Variants in KMT2C observed in about 807,000 individuals in gnomAD.
The protein encoded by KMT2C is histone-lysine N-methyltransferase 2C.
A neutral mutation model predicts 507.9 loss-of-function variants in KMT2C; 88 were observed. The observed-to-expected ratio is 0.17, with a 90% CI of 0.15 to 0.21. The LOEUF (loss-of-function observed/expected upper bound fraction) is 0.21, where lower values mean the gene tolerates loss of function less well. Among genes scored for constraint, KMT2C ranks in the 10% least tolerant of loss-of-function variants. The pLI is 1.00. For synonymous variants in KMT2C, 2,049 were observed against 2,080.8 expected, an observed-to-expected ratio of 0.98 and a Z score of 0.42; for missense variants, 4,954 against 5,957.8, an observed-to-expected ratio of 0.83 and a Z score of 5.55.
intron 1 of KMT2C, among the ~76,000 whole-genome samples, chr7:152,380,024 G>A (rs553206670): frequency 6.6e-6 from 1 of 152,430 alleles, no homozygotes; most frequent in African/African-American, 2.4e-5. Flanking sequence ...CCTGAGCTCA[G>A]GAATTCGAGA....
intron 6 of KMT2C, among the ~76,000 whole-genome samples, chr7:152,275,933 G>C (rs1200770976): frequency 6.6e-6 from 1 of 152,142 alleles, no homozygotes; most frequent in Non-Finnish European, 1.5e-5. Context: ...ATAATGAGAG[G>C]TAAGTATATA....
At chr7:152,394,069 G>A (rs1053667179) in intron 1 of KMT2C, among the ~76,000 whole-genome samples, 21 of 152,016 alleles carry the variant, frequency 1.4e-4, no homozygotes, top group Non-Finnish European at 2.6e-4. Flanking sequence ...AAATCTTTTC[G>A]GCTCTGCCTC....
rs144376311 is a variant in KMT2C at position 152,163,553 on chromosome 7, C to A, written c.10024G>T (p.Ala3342Ser). The stretch of plus-strand genomic sequence containing the variant: ...CTAGGAGGATTGAGGGGCAGGTGGG[C>A]AGGAGCACTGTTGGGTTGCCATCCA... Reference protein sequence around the residue: ...LPGWQPNSAPAHLPLNPPRIQ... With the variant: ...LPGWQPNSAPSHLPLNPPRIQ... The change falls in exon 43 of 59, where the codon GCC becomes TCC. Residue 3342 changes from alanine (A) to serine (S), a missense_variant. By Grantham distance (99) the Ala-to-Ser change is moderately conservative. Coordinates refer to ENST00000262189, the MANE Select transcript of KMT2C (RefSeq NM_170606.3). 67 of 1,609,114 alleles carry A rather than the reference C, an allele frequency of 4.2e-5. No individual in the cohort carries two copies. The African/African-American group carries it at 8.1e-4, about 20-fold the overall frequency.
At chr7:152,143,080 G>A (rs2090751435) in intron 55 of KMT2C, among the ~76,000 whole-genome samples, 2 of 152,154 alleles carry the variant, frequency 1.3e-5, no homozygotes, top group East Asian at 3.8e-4. Flanking sequence ...CACTCCTCGA[G>A]AACACGAATG....
At chr7:152,372,381 C>G (rs1292974776) in intron 1 of KMT2C, among the ~76,000 whole-genome samples, 1 of 152,120 alleles carries the variant, frequency 6.6e-6, no homozygotes, top group Admixed American at 6.6e-5. Context: ...GTCTCAAACT[C>G]CTGACCTCAG....
intron 39 of KMT2C, 32 bp downstream of exon 39, chr7:152,174,099 G>GC: frequency 1.8e-6 from 2 of 1,100,922 alleles, no homozygotes; most frequent in South Asian, 1.4e-5. Flanking sequence ...ATGTCTAGAT[G>GC]CCCAGTAGAA....
intron 2 of KMT2C, among the ~76,000 whole-genome samples, chr7:152,331,948 CA>C (rs201664398): frequency 1.3e-5 from 2 of 148,808 alleles, no homozygotes; most frequent in African/African-American, 4.9e-5. Context: ...TGTGCCCGGC[CA>C]AAAAAAAATC....
At position 152,162,464 on chromosome 7, in the gene KMT2C, C is replaced by A; in HGVS notation, c.11113G>T (p.Asp3705Tyr). The part of the protein sequence containing the change: ...NQQTYANSEV[D>Y]KLSMETPAKT... ...GCAGGGGTTTCCATGGAGAGCTTGT[C>A]TACTTCTGAATTTGCATACGTCTGT... The change falls in exon 43 of 59, where the codon GAC (aspartate) becomes TAC (tyrosine). Residue 3705 changes from aspartate (D) to tyrosine (Y), a missense_variant. Transcript: ENST00000262189. 6.2e-7 allele frequency: 1 copy of A among 1,614,238 alleles called. No individual in the cohort carries two copies. Among genetic ancestry groups the A allele is most frequent in the Non-Finnish European group, 8.5e-7 (1 of 1,180,046 alleles).
At position 152,232,231 on chromosome 7, in the gene KMT2C, C is replaced by T. The variant is rs191133859; in HGVS notation, c.2770-1910G>A. Among the ~76,000 whole-genome samples the T allele has an allele frequency of 3.5e-3, 533 of 152,268 alleles. 2 individuals carry two copies. Among genetic ancestry groups the T allele is most frequent in the Non-Finnish European group, 6.4e-3 (437 of 68,018 alleles). ...ATGCTTTATAAGAGCAATTTATAGT[C>T]ATATGAACCCTAATGACTACAAGTG... On this transcript the variant is annotated intron_variant, in intron 16 of 58. Coordinates refer to ENST00000262189, the MANE Select transcript of KMT2C (RefSeq NM_170606.3).
chr7:152,395,299 C>G (rs956624283), intron 1 of KMT2C, among the ~76,000 whole-genome samples: 10 of 151,452 alleles, frequency 6.6e-5, no homozygotes, highest in Admixed American at 2.6e-4. Context: ...ATCCTCCCAT[C>G]TCGACTCCTG....
intron 7 of KMT2C, among the ~76,000 whole-genome samples, chr7:152,269,223 G>C (rs1000095045): frequency 5.3e-5 from 8 of 152,288 alleles, no homozygotes; most frequent in African/African-American, 1.9e-4. Flanking sequence ...TAACCTTGCT[G>C]TGTTCTTTGA....
chr7:152,332,413 A>G (rs775656143), intron 2 of KMT2C, among the ~76,000 whole-genome samples: 2 of 152,158 alleles, frequency 1.3e-5, no homozygotes, highest in African/African-American at 2.4e-5. Context: ...CCCCAAACAA[A>G]CAAAAACATC....
rs568860442 is a variant in KMT2C at position 152,315,363 on chromosome 7, GAGA to G, written c.390-28_390-26del. Reference sequence around the variant, plus strand: ...ACTAGTAAAAATGAAATGTAAGTCAGAGAAGGAGAAAAGTAGCTTTATTCAACT... The same window carrying G: ...ACTAGTAAAAATGAAATGTAAGTCAGAGGAGAAAAGTAGCTTTATTCAACT... On this transcript the variant is annotated intron_variant, in intron 3 of 58. Coordinates refer to ENST00000262189, the MANE Select transcript of KMT2C (RefSeq NM_170606.3). 683 of 1,572,796 alleles carry G rather than the reference GAGA, an allele frequency of 4.3e-4. 2 individuals are homozygous for G. In the African/African-American group the frequency reaches 8.2e-3, roughly 19 times the overall value.
intron 3 of KMT2C, among the ~76,000 whole-genome samples, chr7:152,325,587 A>G (rs749012052): frequency 1.3e-5 from 2 of 151,782 alleles, no homozygotes; most frequent in Non-Finnish European, 2.9e-5. Flanking sequence ...CAGCCTCCTG[A>G]GTAGCACCAC....
intron 9 of KMT2C, among the ~76,000 whole-genome samples, chr7:152,256,979 C>T (rs1175078625): frequency 2.6e-5 from 4 of 152,166 alleles, no homozygotes; most frequent in Non-Finnish European, 5.9e-5. Context: ...GTGTACACTC[C>T]TGAGGCAATA....
chr7:152,353,166 C>T (rs879386823), intron 2 of KMT2C, among the ~76,000 whole-genome samples: 1 of 152,134 alleles, frequency 6.6e-6, no homozygotes, highest in Non-Finnish European at 1.5e-5. Flanking sequence ...GGCTCATGCC[C>T]GTAATCCCAC....
intron 31 of KMT2C, among the ~76,000 whole-genome samples, chr7:152,188,409 C>T (rs898815403): frequency 6.6e-6 from 1 of 152,028 alleles, no homozygotes; most frequent in East Asian, 1.9e-4. Context: ...GTATGTACAG[C>T]TCTAAACATA....
At chr7:152,391,543 C>CTTTTT (rs71198782) in intron 1 of KMT2C, among the ~76,000 whole-genome samples, 1,246 of 95,398 alleles carry the variant, frequency 0.013, 5 homozygotes, top group African/African-American at 0.037. Flanking sequence ...CATGCCCGGC[C>CTTTTT]TTTTTTTTTT....
At chr7:152,380,981 C>A (rs1289191675) in intron 1 of KMT2C, among the ~76,000 whole-genome samples, 1 of 152,334 alleles carries the variant, frequency 6.6e-6, no homozygotes, top group African/African-American at 2.4e-5. Context: ...AGTTTTACAG[C>A]AAAAAGTATT....
Sources: allele counts gnomAD v4.1 joint callset (sites outside exome capture counted in the v4.1 genomes callset), GRCh38; gene constraint gnomAD v4.1.1; transcripts MANE v1.5; gene names NCBI Gene and HGNC (gene_info 2026-07-23, HGNC 2026-07-21).